Variants in LIFR observed in about 807,000 individuals in gnomAD.
The protein encoded by LIFR is LIF receptor subunit alpha.
Under a neutral mutation model 122.2 loss-of-function variants are expected in LIFR, and 84 were observed. The ratio of observed to expected loss-of-function variants is 0.69; its 90% CI spans 0.58 to 0.82. The LOEUF is 0.82. Among genes scored for constraint, LIFR ranks in the 40% least tolerant of loss-of-function variants. The pLI, the probability that LIFR is intolerant of heterozygous loss-of-function variation, is 0.00. For synonymous variants in LIFR, 422 were observed against 434.7 expected, an observed-to-expected ratio of 0.97 and a Z score of 0.36; for missense variants, 1,294 against 1,311.6, an observed-to-expected ratio of 0.99 and a Z score of 0.21.
At chr5:38,568,050 A>G (rs1433715608) in intron 1 of LIFR, among the ~76,000 whole-genome samples, 1 of 152,166 alleles carries the variant, frequency 6.6e-6, no homozygotes, top group Non-Finnish European at 1.5e-5. Flanking sequence ...CACTTCTCCT[A>G]TGACTCTCAT....
chr5:38,517,953 A>C (rs1746189558), intron 5 of LIFR, among the ~76,000 whole-genome samples: 1 of 149,538 alleles, frequency 6.7e-6, no homozygotes, highest in South Asian at 2.1e-4. Context: ...AAAAAAAAAA[A>C]AACAAACAAA....
Position 38,481,041 on chromosome 5 carries a change from G to T in LIFR, c.*554C>A. On this transcript the variant is annotated 3_prime_UTR_variant, in exon 20 of 20. Transcript: ENST00000453190. ...ACTTTATCAAACAAAACACTAAATCGCTGTCACTACATTAAAAATTATATT... is the reference window on the plus strand; with the variant it reads ...ACTTTATCAAACAAAACACTAAATCTCTGTCACTACATTAAAAATTATATT... 4.4e-6 allele frequency: 1 copy of T among 227,516 alleles called. No homozygotes were observed. The highest frequency in any genetic ancestry group is 8.8e-6 in the Non-Finnish European group (1 of 113,932). The allele number at this position is 227,516 out of a possible 1,614,324, so 14.1% of individuals were successfully genotyped here. A position where few individuals can be genotyped will look rare whatever the true frequency, so the allele number is the denominator to read the frequency against.
intron 1 of LIFR, chr5:38,550,245 C>A (rs929253177): frequency 1.0e-6 from 1 of 976,380 alleles, no homozygotes; most frequent in Non-Finnish European, 1.2e-6. Flanking sequence ...ACAATCATAT[C>A]CCCATATGGC....
intron 6 of LIFR, 152 bp downstream of exon 6, chr5:38,511,638 A>T (rs948869495): frequency 1.4e-6 from 1 of 702,944 alleles, no homozygotes; most frequent in Admixed American, 2.8e-5. Context: ...CTTTTTGATC[A>T]AAATCTCCAG....
chr5:38,542,129 C>A (rs2112613656), intron 1 of LIFR, among the ~76,000 whole-genome samples: 1 of 152,120 alleles, frequency 6.6e-6, no homozygotes, highest in East Asian at 1.9e-4. Flanking sequence ...TATTACTGCC[C>A]AAGTCATCAT....
intron 5 of LIFR, among the ~76,000 whole-genome samples, chr5:38,513,791 C>T (rs1327102286): frequency 6.6e-6 from 1 of 152,110 alleles, no homozygotes; most frequent in Non-Finnish European, 1.5e-5. Context: ...TCCAGAGAAA[C>T]CAAAGTTCCA....
At position 38,530,876 on chromosome 5, in the gene LIFR, A is replaced by G. The variant is rs1004898003; in HGVS notation, c.-19-210T>C. The G allele has an allele frequency of 3.2e-5, 16 of 507,122 alleles. No homozygotes were observed. The Admixed American group carries it at 5.0e-4, about 16-fold the overall frequency. 31.4% of individuals were successfully genotyped at this position (507,122 alleles called of 1,614,324 possible). On this transcript the variant is annotated intron_variant, in intron 1 of 19. Transcript: ENST00000453190. ...GCTTTAGGTATCTACTACGAGGCCA[A>G]TTTTCAAATGATGGGCTTCAAGTTA...
chr5:38,544,164 A>T (rs1372192487), intron 1 of LIFR, among the ~76,000 whole-genome samples: 1 of 152,016 alleles, frequency 6.6e-6, no homozygotes, highest in Non-Finnish European at 1.5e-5. Context: ...TTTTGCCTGA[A>T]CTGCTATAAG....
At chr5:38,566,116 CT>C (rs1561214643) in intron 1 of LIFR, among the ~76,000 whole-genome samples, 1 of 152,136 alleles carries the variant, frequency 6.6e-6, no homozygotes, top group African/African-American at 2.4e-5. Context: ...TTATTGCTTT[CT>C]GTCTTTCATT....
chr5:38,595,610 G>A (rs1001425930), upstream of LIFR, among the ~76,000 whole-genome samples: 5 of 152,098 alleles, frequency 3.3e-5, no homozygotes, highest in African/African-American at 7.2e-5. Context: ...CAGGCCAGCA[G>A]CATGAGTCCA....
intron 16 of LIFR, among the ~76,000 whole-genome samples, chr5:38,486,658 C>G (rs1744300186): frequency 6.6e-6 from 1 of 152,194 alleles, no homozygotes; most frequent in African/African-American, 2.4e-5. Flanking sequence ...CCTACAACCA[C>G]TGTAAAAGCC....
intron 5 of LIFR, among the ~76,000 whole-genome samples, chr5:38,515,101 CTAAGAAA>C (rs1447018881): frequency 6.6e-6 from 1 of 152,090 alleles, no homozygotes; most frequent in Admixed American, 6.6e-5. Flanking sequence ...CCACAGCTTC[CTAAGAAA>C]TGTGCTGAAA....
chr5:38,486,606 TAACA>T (rs1744297728), intron 16 of LIFR, among the ~76,000 whole-genome samples: 1 of 152,202 alleles, frequency 6.6e-6, no homozygotes, highest in Non-Finnish European at 1.5e-5. Flanking sequence ...AAATGGTTAC[TAACA>T]AAAAGTGACA....
chr5:38,490,264 T>G lies in LIFR; in HGVS notation c.2093A>C (p.Asn698Thr). The G allele has an allele frequency of 6.4e-7, 1 of 1,564,182 alleles. No homozygotes were observed. The highest frequency in any genetic ancestry group is 8.8e-7 in the Non-Finnish European group (1 of 1,137,040). Residue 698 changes from asparagine (N) to threonine (T), a missense_variant, in exon 15 of 20, where the codon AAT (asparagine) becomes ACT (threonine). Asn to Thr is a moderately conservative substitution (Grantham distance 65, BLOSUM62 0). Transcript: ENST00000453190. Reference protein sequence around the residue: ...SDEFRPGIRYNFFLYGCRNQG... With the variant: ...SDEFRPGIRYTFFLYGCRNQG... Reference sequence around the variant, plus strand: ...ATTTCTGCATCCATACAGGAAAAAATTATATCTTATACCTGGTCGAAACTC... The same window carrying G: ...ATTTCTGCATCCATACAGGAAAAAAGTATATCTTATACCTGGTCGAAACTC...
intron 1 of LIFR, among the ~76,000 whole-genome samples, chr5:38,562,044 T>C (rs1327030654): frequency 6.6e-6 from 1 of 152,170 alleles, no homozygotes; most frequent in East Asian, 1.9e-4. Context: ...TTGGGGATCG[T>C]GGGAGCACCG....
chr5:38,491,364 T>C (rs1045963333), intron 14 of LIFR, among the ~76,000 whole-genome samples: 4 of 152,176 alleles, frequency 2.6e-5, no homozygotes, highest in Non-Finnish European at 5.9e-5. Flanking sequence ...AGGGTAACCA[T>C]AACAGTGTGT....
intron 1 of LIFR, among the ~76,000 whole-genome samples, chr5:38,575,228 CTAATT>C (rs1334106236): frequency 6.6e-6 from 1 of 152,128 alleles, no homozygotes; most frequent in East Asian, 1.9e-4. Context: ...ACTGGCAAAA[CTAATT>C]TACAGTATTA....
At chr5:38,559,632 G>A (rs928196178), upstream of LIFR, among the ~76,000 whole-genome samples, 6 of 152,128 alleles carry the variant, frequency 3.9e-5, no homozygotes, top group Admixed American at 1.3e-4. Context: ...ATAATACAAC[G>A]AGCCTTATCT....
At chr5:38,600,677 C>A (rs548455539) in intron 2 of LIFR, among the ~76,000 whole-genome samples, 11 of 152,288 alleles carry the variant, frequency 7.2e-5, no homozygotes, top group African/African-American at 2.6e-4. Context: ...CCCTTCCTGG[C>A]TCCTTTTCCT....
Sources: gnomAD v4.1 joint callset for allele counts (sites outside exome capture counted in the v4.1 genomes callset) on GRCh38, gnomAD v4.1.1 for gene constraint, MANE v1.5 for transcripts, NCBI Gene and HGNC (gene_info 2026-07-23, HGNC 2026-07-21) for gene names.